The following CADM2 variants were observed in gnomAD, a reference collection of about 807,000 sequenced individuals.
The protein encoded by CADM2 is cell adhesion molecule 2.
CADM2 carries 12 observed loss-of-function variants against 49.8 expected under a neutral mutation model. The ratio of observed to expected loss-of-function variants is 0.24; its 90% CI spans 0.15 to 0.39. CADM2 has a LOEUF of 0.39. CADM2 is among the 10% of genes least tolerant of loss of function. The pLI is 1.00. For missense variants in CADM2, 378 were observed against 492.3 expected (o/e 0.77, Z 2.20); for synonymous variants, 214 against 175.4 (o/e 1.22, Z -1.74).
chr3:85,333,498 A>T (rs1362724835), intron 1 of CADM2, among the ~76,000 whole-genome samples: 1 of 151,810 alleles, frequency 6.6e-6, no homozygotes, highest in African/African-American at 2.4e-5. Flanking sequence ...TTGTGTATCT[A>T]ACTGACCACT....
At chr3:85,922,079 TTCA>T (rs1449728786) in intron 6 of CADM2, among the ~76,000 whole-genome samples, 2 of 152,098 alleles carry the variant, frequency 1.3e-5, no homozygotes, top group Admixed American at 6.6e-5. Context: ...CTGCTGCAGA[TTCA>T]TCATCATCTT....
rs551720764 is a variant in CADM2, at chr3:85,656,793, A to G, written c.62-69729A>G. Among the ~76,000 whole-genome samples the G allele has an allele frequency of 2.1e-4, 32 of 152,284 alleles. No individual in the cohort carries two copies. The South Asian group carries it at 5.4e-3, about 26-fold the overall frequency. ...ATATCTTTACTAAATCAGTCACTCT[A>G]TATTGAAATTCTCATCAGCTCATGA... On this transcript the variant is annotated intron_variant, in intron 1 of 9. Transcript: ENST00000383699.
chr3:85,149,408 T>A (rs1378362996), intron 1 of CADM2, among the ~76,000 whole-genome samples: 1 of 151,952 alleles, frequency 6.6e-6, no homozygotes, highest in East Asian at 1.9e-4. Flanking sequence ...GCAGCAAAAA[T>A]GGACTAAAGC....
chr3:85,928,958 G>A (rs1720259741), intron 6 of CADM2, among the ~76,000 whole-genome samples: 1 of 151,976 alleles, frequency 6.6e-6, no homozygotes, highest in Admixed American at 6.6e-5. Context: ...AACGTTGAAA[G>A]GACCAATTTT....
intron 1 of CADM2, among the ~76,000 whole-genome samples, chr3:85,004,367 A>G (rs1286426616): frequency 6.6e-6 from 1 of 152,158 alleles, no homozygotes; most frequent in Non-Finnish European, 1.5e-5. Flanking sequence ...TGTTCATTCA[A>G]TATTCACAAA....
At chr3:85,371,321 G>A (rs2033209616) in intron 1 of CADM2, among the ~76,000 whole-genome samples, 1 of 151,938 alleles carries the variant, frequency 6.6e-6, no homozygotes, top group South Asian at 2.1e-4. Flanking sequence ...CTCTACAGAG[G>A]TACAATTTTT....
intron 2 of CADM2, among the ~76,000 whole-genome samples, chr3:85,801,671 A>G (rs1393312070): frequency 6.6e-6 from 1 of 152,154 alleles, no homozygotes; most frequent in Non-Finnish European, 1.5e-5. Context: ...TGCTTTAGAG[A>G]GTTCAACTCA....
At chr3:85,941,931 C>T (rs1244151143) in intron 7 of CADM2, among the ~76,000 whole-genome samples, 2 of 152,042 alleles carry the variant, frequency 1.3e-5, no homozygotes, top group Non-Finnish European at 2.9e-5. Context: ...ACAACTATTA[C>T]ATTGTAAAAG....
At chr3:85,983,059 C>T (rs143901491) in intron 8 of CADM2, among the ~76,000 whole-genome samples, 1 of 151,664 alleles carries the variant, frequency 6.6e-6, no homozygotes, top group Non-Finnish European at 1.5e-5. Flanking sequence ...TACACTTTTA[C>T]AACTCCTGCT....
chr3:85,147,212 T>C (rs1472094477), intron 1 of CADM2, among the ~76,000 whole-genome samples: 1 of 143,636 alleles, frequency 7.0e-6, no homozygotes, highest in East Asian at 2.1e-4. Flanking sequence ...GAGGCGGAGC[T>C]TGCGGTGAGC....
At chr3:85,138,710 GTATGATATTCTTCATGT>G (rs2039490485) in intron 1 of CADM2, among the ~76,000 whole-genome samples, 1 of 151,988 alleles carries the variant, frequency 6.6e-6, no homozygotes, top group South Asian at 2.1e-4. Context: ...CTCCATAAGG[GTATGATATTCTTCATGT>G]TAATGCCACC....
chr3:86,038,921 C>A (rs17024414), intron 8 of CADM2, among the ~76,000 whole-genome samples: 5,206 of 152,268 alleles, frequency 0.034, 176 homozygotes, highest in African/African-American at 0.083. Context: ...CCTCTAGTGA[C>A]AGCTGTTTGA....
chr3:85,409,891 G>C (rs2035578894), intron 1 of CADM2, among the ~76,000 whole-genome samples: 1 of 152,118 alleles, frequency 6.6e-6, no homozygotes, highest in African/African-American at 2.4e-5. Context: ...AGAATGGATG[G>C]TAGGTTTGAA....
chr3:85,947,986 C>T (rs993803281), intron 7 of CADM2, among the ~76,000 whole-genome samples: 2 of 151,534 alleles, frequency 1.3e-5, no homozygotes, highest in African/African-American at 4.8e-5. Flanking sequence ...CTAAACCAAA[C>T]ATGTCTCAAT....
chr3:85,581,911 T>TTTTTG (rs146275697), intron 1 of CADM2, among the ~76,000 whole-genome samples: 6,767 of 150,268 alleles, frequency 0.045, 466 homozygotes, highest in African/African-American at 0.15. Context: ...TTTGAAGTGT[T>TTTTTG]TTTTGTTTTG....
rs574385864 is a variant in CADM2 at position 85,616,733 on chromosome 3, T to C, written c.62-109789T>C. 3.3e-5 allele frequency among the ~76,000 whole-genome samples: 5 copies of C among 152,308 alleles called. No individual in the cohort carries two copies. In the South Asian group the frequency reaches 1.0e-3, roughly 32 times the overall value. ...GTGTGTCATTTTAATAAGACTTTAA[T>C]TTAATACTATTGAAATAGATTTTTG... On this transcript the variant is annotated intron_variant, in intron 1 of 9. Coordinates refer to ENST00000383699, the MANE Select transcript of CADM2 (RefSeq NM_001167675.2).
At chr3:85,290,516 C>A (rs917710082) in intron 1 of CADM2, among the ~76,000 whole-genome samples, 1 of 152,224 alleles carries the variant, frequency 6.6e-6, no homozygotes, top group Admixed American at 6.5e-5. Context: ...ACAGCAGTAA[C>A]CTCTGCAGAC....
intron 1 of CADM2, among the ~76,000 whole-genome samples, chr3:85,132,248 CT>C (rs1368958350): frequency 2.6e-5 from 4 of 152,164 alleles, no homozygotes; most frequent in Non-Finnish European, 4.4e-5. Flanking sequence ...TAGCTTTGGA[CT>C]GTCTTAGCAC....
chr3:85,387,319 G>A (rs1023506820), intron 1 of CADM2, among the ~76,000 whole-genome samples: 4 of 152,128 alleles, frequency 2.6e-5, no homozygotes, highest in Non-Finnish European at 5.9e-5. Context: ...AAGCAAATAC[G>A]AGTTAGTGTA....
Sources: allele counts gnomAD v4.1 joint callset (sites outside exome capture counted in the v4.1 genomes callset), GRCh38; gene constraint gnomAD v4.1.1; transcripts MANE v1.5; gene names NCBI Gene and HGNC (gene_info 2026-07-23, HGNC 2026-07-21).